POLK: variants seen among roughly 807,000 people sequenced by gnomAD.
POLK encodes polymerase (DNA directed) kappa.
In POLK, 76 loss-of-function variants were observed where a neutral mutation model predicts 94.0. That is an observed-to-expected ratio of 0.81 (90% CI 0.67 to 0.98). The LOEUF (loss-of-function observed/expected upper bound fraction) is 0.98, where lower values mean the gene tolerates loss of function less well. Ranked by LOEUF, POLK falls within the 50% of genes least tolerant of loss-of-function variation. The pLI, the probability that POLK is intolerant of heterozygous loss-of-function variation, is 0.00. For missense variants in POLK, 954 were observed against 1,010.1 expected (o/e 0.94, Z 0.75); for synonymous variants, 349 against 325.4 (o/e 1.07, Z -0.78).
intron 1 of POLK, among the ~76,000 whole-genome samples, chr5:75,544,195 A>G (rs1769890509): frequency 6.6e-6 from 1 of 152,140 alleles, no homozygotes; most frequent in South Asian, 2.1e-4. Flanking sequence ...GCATTCAATA[A>G]TATGTCTTTT....
rs918665737 is a variant in POLK, at chr5:75,561,215, G to A, written c.256-8125G>A. Among the ~76,000 whole-genome samples, 3 of 152,328 alleles carry A rather than the reference G, an allele frequency of 2.0e-5. No homozygotes were observed. In the East Asian group the frequency reaches 5.8e-4, roughly 29 times the overall value. Reference sequence around the variant, plus strand: ...TTTAATGATTGCCATTCTAACTGGTGTGAGATGGTATCTCATTGTGGTTTT... The same window carrying A: ...TTTAATGATTGCCATTCTAACTGGTATGAGATGGTATCTCATTGTGGTTTT... On this transcript the variant is annotated intron_variant, in intron 3 of 14. Coordinates refer to ENST00000241436, the Ensembl canonical transcript of POLK.
chr5:75,561,885 T>C (rs561326112), intron 3 of POLK, among the ~76,000 whole-genome samples: 1 of 152,354 alleles, frequency 6.6e-6, no homozygotes, highest in East Asian at 1.9e-4. Flanking sequence ...TTGTTACCAG[T>C]ACCATGCTGT....
downstream of POLK, among the ~76,000 whole-genome samples, chr5:75,602,200 A>G (rs1340129747): frequency 1.3e-5 from 2 of 152,214 alleles, no homozygotes; most frequent in Non-Finnish European, 2.9e-5. Flanking sequence ...AGTCAGTCAC[A>G]TAGGCATGCA....
chr5:75,538,597 T>C (rs1292473514), intron 1 of POLK: 1 of 152,082 alleles, frequency 6.6e-6, no homozygotes, highest in African/African-American at 2.4e-5. Flanking sequence ...GCAGGGGTGG[T>C]GGGAGCTTTC....
chr5:75,541,375 G>A (rs1017160207), intron 1 of POLK, among the ~76,000 whole-genome samples: 2 of 152,052 alleles, frequency 1.3e-5, no homozygotes, highest in African/African-American at 4.8e-5. Context: ...TAGGTAATAT[G>A]TTTATATCAG....
chr5:75,534,933 A>AT (rs1344001113), intron 1 of POLK: 2 of 152,166 alleles, frequency 1.3e-5, no homozygotes, highest in Non-Finnish European at 2.9e-5. Context: ...CCAAGTTATC[A>AT]TTCTGTCTTT....
In POLK at chr5:75,587,069, A is replaced by C. The variant is rs1399148143; in HGVS notation, c.1259+11A>C. The C allele has an allele frequency of 7.0e-7, 1 of 1,434,770 alleles. No individual in the cohort carries two copies. The highest frequency in any genetic ancestry group is 9.7e-7 in the Non-Finnish European group (1 of 1,031,766). 88.9% of individuals were successfully genotyped at this position (1,434,770 alleles called of 1,614,324 possible). ...TATGAGCGTTGAGAGGTAATGTTTT[A>C]TTATTTATTGTTAATTGTGCATAAT... On this transcript the variant is annotated intron_variant, in intron 10 of 14. Transcript: ENST00000241436.
At chr5:75,559,505 GTTTTTTTGTTTTGTTTTGTTTTTT>G (rs1395773840) in intron 3 of POLK, among the ~76,000 whole-genome samples, 4 of 70,110 alleles carry the variant, frequency 5.7e-5, no homozygotes, top group Middle Eastern at 8.1e-3. Flanking sequence ...TTTGGGGTTT[GTTTTTTTGTTTTGTTTTGTTTTTT>G]TTTTTTTTTT....
intron 1 of POLK, chr5:75,512,936 TGG>T (rs1208569267): frequency 6.6e-6 from 1 of 152,286 alleles, no homozygotes; most frequent in African/African-American, 2.4e-5. Flanking sequence ...GAGACCAGCC[TGG>T]GCAACAAGGT....
exon 9 of POLK, chr5:75,584,886 C>T (rs746435774): frequency 4.0e-5 from 65 of 1,606,594 alleles, no homozygotes; most frequent in African/African-American, 5.4e-5. Flanking sequence ...GCATTATTTC[C>T]TTCATATCTC....
chr5:75,576,895 G>A, exon 6 of POLK: 3 of 1,556,256 alleles, frequency 1.9e-6, no homozygotes, highest in African/African-American at 1.4e-5. Context: ...GAGGATAAAA[G>A]AAGGTATTTC....
At chr5:75,536,051 G>T (rs1303197718) in intron 1 of POLK, among the ~76,000 whole-genome samples, 3 of 152,146 alleles carry the variant, frequency 2.0e-5, no homozygotes, top group Non-Finnish European at 2.9e-5. Context: ...TCTTGTGCTG[G>T]TTCTTTCTCA....
downstream of POLK, among the ~76,000 whole-genome samples, chr5:75,602,997 G>C (rs553750940): frequency 6.6e-6 from 1 of 152,312 alleles, no homozygotes; most frequent in Non-Finnish European, 1.5e-5. Context: ...GCATCAACAT[G>C]GGTAATGGAA....
chr5:75,595,248 GAAAAAAAAAAA>G lies in POLK; in HGVS notation c.1529-959_1529-949del, dbSNP rs58783164. ...GCAACAAGAGTGAAACTCCACCTCA[GAAAAAAAAAAA>G]AAAAAAAAAAAAAAGCCCAAGAGCA... On this transcript the variant is annotated intron_variant, in intron 12 of 14. Transcript: ENST00000241436. Among the ~76,000 whole-genome samples, 17 of 24,882 alleles carry G rather than the reference GAAAAAAAAAAA, an allele frequency of 6.8e-4. 1 individual carries two copies. The highest frequency in any genetic ancestry group is 2.7e-3 in the East Asian group (2 of 734). The allele number at this position is 24,882 out of a possible 152,430, so 16.3% of individuals were successfully genotyped here.
chr5:75,576,811 A>G (rs1401277578), exon 6 of POLK: 1 of 1,527,362 alleles, frequency 6.5e-7, no homozygotes, highest in South Asian at 1.3e-5. Context: ...TATGATCCCA[A>G]TTTTATGGCC....
chr5:75,541,955 T>C (rs996717068), intron 1 of POLK, among the ~76,000 whole-genome samples: 1 of 152,176 alleles, frequency 6.6e-6, no homozygotes, highest in Non-Finnish European at 1.5e-5. Flanking sequence ...TTGCAATAAA[T>C]GAAAATGAAA....
Position 75,587,076 on chromosome 5 carries a change from A to T in POLK, c.1259+18A>T, listed in dbSNP as rs369538317. 4.2e-5 allele frequency: 55 copies of T among 1,323,800 alleles called. No homozygotes were observed. The highest frequency in any genetic ancestry group is 5.3e-5 in the Non-Finnish European group (49 of 930,308). 82.0% of individuals were successfully genotyped at this position (1,323,800 alleles called of 1,614,324 possible). On this transcript the variant is annotated intron_variant, in intron 10 of 14. Coordinates refer to ENST00000241436, the Ensembl canonical transcript of POLK. ...GTTGAGAGGTAATGTTTTATTATTT[A>T]TTGTTAATTGTGCATAATTCATGTT...
intron 7 of POLK, chr5:75,582,047 T>G (rs1772221628): frequency 1.0e-6 from 1 of 979,108 alleles, no homozygotes; most frequent in South Asian, 4.7e-5. Context: ...TGTAATAACT[T>G]GAGTATTAGT....
chr5:75,598,715 T>C (rs904650702), exon 15 of POLK: 2 of 152,238 alleles, frequency 1.3e-5, no homozygotes, highest in Admixed American at 6.5e-5. Context: ...GTCAATTATG[T>C]TGGTACTTTC....
Sources: gnomAD v4.1 joint callset for allele counts (sites outside exome capture counted in the v4.1 genomes callset) on GRCh38, gnomAD v4.1.1 for gene constraint, MANE v1.5 for transcripts, NCBI Gene and HGNC (gene_info 2026-07-23, HGNC 2026-07-21) for gene names.